Variants in TENM3 observed in about 807,000 individuals in gnomAD.
TENM3 encodes the protein teneurin transmembrane protein 3.
TENM3 carries 63 observed loss-of-function variants against 255.1 expected under a neutral mutation model. The observed-to-expected ratio is 0.25, with a 90% confidence interval of 0.20 to 0.30. The LOEUF is 0.30. Among genes scored for constraint, TENM3 ranks in the 10% least tolerant of loss-of-function variants. TENM3 has a pLI of 1.00. For missense variants in TENM3, 2,929 were observed against 3,461.1 expected (o/e 0.85, Z 3.86); for synonymous variants, 1,306 against 1,322.3 (o/e 0.99, Z 0.27).
In TENM3 at chr4:182,634,362, G is replaced by A. The variant is rs75130312; in HGVS notation, c.988+5473G>A. On this transcript the variant is annotated intron_variant, in intron 5 of 27. Coordinates refer to ENST00000511685, the MANE Select transcript of TENM3 (RefSeq NM_001080477.4). ...GAGATCATGAGGCCCTATTAGGATA[G>A]AGGAGCAAGCAGAATTGAGAAACCT... 1.1e-4 allele frequency among the ~76,000 whole-genome samples: 16 copies of A among 152,264 alleles called. No homozygotes were observed. The East Asian group carries it at 2.7e-3, about 26-fold the overall frequency.
chr4:182,130,156 CAATTT>C, the TENM3 span, among the ~76,000 whole-genome samples: 3 of 152,006 alleles, frequency 2.0e-5, no homozygotes, highest in African/African-American at 7.3e-5. Context: ...AAATAATGTG[CAATTT>C]AATTTAAATC....
the TENM3 span, among the ~76,000 whole-genome samples, chr4:181,506,999 G>C: frequency 1.3e-5 from 2 of 152,200 alleles, no homozygotes; most frequent in African/African-American, 4.8e-5. Context: ...ACTAGGACCA[G>C]ACCACCTGAA....
the TENM3 span, among the ~76,000 whole-genome samples, chr4:181,494,939 C>T: frequency 6.6e-6 from 1 of 152,094 alleles, no homozygotes; most frequent in African/African-American, 2.4e-5. Context: ...CCCCAATTCC[C>T]ACCTACTTCA....
the TENM3 span, among the ~76,000 whole-genome samples, chr4:181,468,319 G>A: frequency 3.9e-5 from 6 of 152,174 alleles, no homozygotes; most frequent in Admixed American, 2.0e-4. Context: ...AAAAGCAAAA[G>A]ATGGACTAGT....
At chr4:181,711,570 TCAA>T in the TENM3 span, among the ~76,000 whole-genome samples, 2 of 152,216 alleles carry the variant, frequency 1.3e-5, no homozygotes, top group African/African-American at 4.8e-5. Flanking sequence ...AAATAAAAAT[TCAA>T]CAACATCAGC....
the TENM3 span, among the ~76,000 whole-genome samples, chr4:181,626,644 T>G: frequency 3.3e-5 from 5 of 152,016 alleles, no homozygotes; most frequent in African/African-American, 1.2e-4. Flanking sequence ...CTCATTACCA[T>G]GGGAATGGAG....
the TENM3 span, among the ~76,000 whole-genome samples, chr4:182,078,749 A>G: frequency 6.6e-6 from 1 of 152,144 alleles, no homozygotes; most frequent in Non-Finnish European, 1.5e-5. Context: ...TGGGGAGCAG[A>G]GGAAATAGAG....
rs1761502651 is a variant in TENM3 at position 182,296,428 on chromosome 4, C to T, written c.-75-27518C>T. 2.0e-5 allele frequency among the ~76,000 whole-genome samples: 3 copies of T among 152,068 alleles called. No individual in the cohort carries two copies. The South Asian group carries it at 6.2e-4, about 32-fold the overall frequency. On this transcript the variant is annotated intron_variant, in intron 1 of 27. Coordinates refer to ENST00000511685, the MANE Select transcript of TENM3 (RefSeq NM_001080477.4). ...AATTGTACTTGAAGGCTATGGGTTA[C>T]TTTTGTGGATCTGCAAGCTAGACAT... is the stretch of plus-strand genomic sequence containing the variant.
chr4:182,646,939 T>G (rs910752137), intron 5 of TENM3, among the ~76,000 whole-genome samples: 1 of 152,060 alleles, frequency 6.6e-6, no homozygotes, highest in Non-Finnish European at 1.5e-5. Flanking sequence ...AAGCAAAAAT[T>G]TGAAAGATAT....
At chr4:181,523,585 A>G in the TENM3 span, among the ~76,000 whole-genome samples, 2 of 152,106 alleles carry the variant, frequency 1.3e-5, no homozygotes, top group East Asian at 1.9e-4. Flanking sequence ...GGGATTGTAC[A>G]TTCTCTGGGT....
At chr4:182,259,004 A>T (rs1758613494) in intron 1 of TENM3, among the ~76,000 whole-genome samples, 1 of 152,222 alleles carries the variant, frequency 6.6e-6, no homozygotes, top group African/African-American at 2.4e-5. Context: ...AATATATTTA[A>T]AATGTTTTAG....
intron 3 of TENM3, among the ~76,000 whole-genome samples, chr4:182,364,501 C>G (rs550567807): frequency 6.6e-6 from 1 of 152,184 alleles, no homozygotes; most frequent in Non-Finnish European, 1.5e-5. Context: ...ACTGCAAGCT[C>G]CGTCTTCCGG....
At chr4:181,491,153 G>A in the TENM3 span, among the ~76,000 whole-genome samples, 1 of 151,884 alleles carries the variant, frequency 6.6e-6, no homozygotes, top group Non-Finnish European at 1.5e-5. Flanking sequence ...AATAAGTGTG[G>A]CACTTATTTA....
chr4:182,175,498 G>A (rs1014087461), intron 1 of TENM3, among the ~76,000 whole-genome samples: 1 of 151,892 alleles, frequency 6.6e-6, no homozygotes, highest in African/African-American at 2.4e-5. Context: ...AGAATGAAGG[G>A]GCAGACCCAT....
the TENM3 span, among the ~76,000 whole-genome samples, chr4:181,574,387 C>G: frequency 6.6e-6 from 1 of 151,660 alleles, no homozygotes; most frequent in Non-Finnish European, 1.5e-5. Context: ...AAAAATTAGC[C>G]GGGCGCGGTG....
chr4:182,186,534 A>G (rs976681408), intron 1 of TENM3, among the ~76,000 whole-genome samples: 4 of 151,098 alleles, frequency 2.6e-5, no homozygotes, highest in Non-Finnish European at 5.9e-5. Context: ...ACTTTGCTGG[A>G]ACTTCTTACA....
the TENM3 span, among the ~76,000 whole-genome samples, chr4:181,827,716 G>A: frequency 0.012 from 1,870 of 152,286 alleles, 21 homozygotes; most frequent in Non-Finnish European, 0.016. Flanking sequence ...GGAACCCTGT[G>A]GCAGATGCTT....
rs1234664230 is a variant in TENM3 at position 182,680,329 on chromosome 4, T to C, written c.1619T>C (p.Leu540Pro). 6.2e-7 allele frequency: 1 copy of C among 1,612,828 alleles called. No individual in the cohort carries two copies. The highest frequency in any genetic ancestry group is 8.5e-7 in the Non-Finnish European group (1 of 1,179,246). ...SGTCHCFPGF[L>P]GPDCSRAACP... The stretch of plus-strand genomic sequence containing the variant: ...ACTTGCCATTGTTTTCCAGGATTTC[T>C]GGGTCCGGATTGTTCAAGAGGTATG... Residue 540 changes from leucine (L) to proline (P), a missense_variant, in exon 9 of 28, where the codon CTG becomes CCG. Physicochemically the swap from Leu to Pro is moderately conservative, Grantham distance 98. This residue lies in a region of TENM3 where 1,608 missense variants were observed against 1,884.4 expected (regional missense o/e 0.85). Coordinates refer to ENST00000511685, the MANE Select transcript of TENM3 (RefSeq NM_001080477.4).
the TENM3 span, among the ~76,000 whole-genome samples, chr4:182,044,169 C>T: frequency 6.6e-6 from 1 of 152,168 alleles, no homozygotes; most frequent in African/African-American, 2.4e-5. Flanking sequence ...TTACCATCCA[C>T]ATACCACCAA....
Sources: allele counts gnomAD v4.1 joint callset (sites outside exome capture counted in the v4.1 genomes callset), GRCh38; gene constraint gnomAD v4.1.1; regional missense constraint gnomAD v4.1.1; transcripts MANE v1.5; gene names NCBI Gene and HGNC (gene_info 2026-07-23, HGNC 2026-07-21).